The following KREMEN2 variants were observed in gnomAD, a reference collection of about 807,000 sequenced individuals.
The protein encoded by KREMEN2 is kremen protein 2.
Under a neutral mutation model 49.8 loss-of-function variants are expected in KREMEN2, and 43 were observed. The ratio of observed to expected loss-of-function variants is 0.86; its 90% CI spans 0.68 to 1.11. The LOEUF (loss-of-function observed/expected upper bound fraction) is 1.11, where lower values mean the gene tolerates loss of function less well. Among genes scored for constraint, KREMEN2 ranks in the 50% most tolerant of loss-of-function variants. The probability of loss-of-function intolerance (pLI) is 0.00; values close to 1 mark genes in which losing one functional copy is unlikely to be tolerated. For missense variants in KREMEN2, 686 were observed against 665.7 expected (o/e 1.03, Z -0.34); for synonymous variants, 355 against 304.9 (o/e 1.16, Z -1.71).
At position 2,967,981 on chromosome 16, in the gene KREMEN2, C is replaced by T. The variant is rs760104507; in HGVS notation, c.1350C>T (p.Ser450=). 2.4e-5 allele frequency: 38 copies of T among 1,583,788 alleles called. No homozygotes were observed. The highest frequency in any genetic ancestry group is 2.9e-5 in the Non-Finnish European group (34 of 1,170,018). Residue 450 remains serine (S), a synonymous_variant, in exon 9 of 9, where the codon TCC becomes TCT. Transcript: ENST00000303746. ...SAAGYRPLSA[S]SQSSLRSLIS... is the part of the protein sequence containing the mutation. The stretch of plus-strand genomic sequence containing the variant: ...CGGGCTACCGGCCTCTGAGTGCCTC[C>T]AGCCAGAGCTCCCTGCGCTCGCTCA...
Position 2,966,650 on chromosome 16 carries a change from C to T in KREMEN2, c.495C>T (p.Gly165=), listed in dbSNP as rs375806921. 63 of 1,609,738 alleles carry T rather than the reference C, an allele frequency of 3.9e-5. No homozygotes were observed. The East Asian group carries it at 7.1e-4, about 18-fold the overall frequency. ...CCAGTCTGTGCTCCCAGCTGGCGGG[C>T]GTGGAGGCCGGTTACGCCTGCTTCT... is the stretch of plus-strand genomic sequence containing the variant. ...FCRMKGYQLA[G]VEAGYACFCG... is the part of the protein sequence containing the mutation. The change falls in exon 5 of 9, where the codon GGC becomes GGT. Residue 165 remains glycine (G), a synonymous_variant. Coordinates refer to ENST00000303746, the MANE Select transcript of KREMEN2 (RefSeq NM_172229.3). The surrounding 1 kb of genome is among the most constrained non-coding windows in gnomAD (Gnocchi z 8.4).
At position 2,967,575 on chromosome 16, in the gene KREMEN2, C is replaced by T; in HGVS notation, c.1149C>T (p.Leu383=). The change falls in exon 8 of 9, where the codon CTC becomes CTT. Residue 383 remains leucine, a synonymous_variant. Coordinates refer to ENST00000303746, the MANE Select transcript of KREMEN2 (RefSeq NM_172229.3). ...VTAVSVLLLL[L]LGLLRPLRRR... ...CTGTCTCGGTGCTGCTGCTGCTGCT[C>T]CTGGGGCTGCTGCGTCCGCTGCGCC... 1 of 1,530,136 alleles carries T rather than the reference C, an allele frequency of 6.5e-7. No homozygotes were observed. The allele number at this position is 1,530,136 out of a possible 1,614,324, so 94.8% of individuals were successfully genotyped here. A position where few individuals can be genotyped will look rare whatever the true frequency, so the allele number is the denominator to read the frequency against.
rs1293889626 is a variant in KREMEN2 at position 2,967,320 on chromosome 16, G to A, written c.974G>A (p.Gly325Glu). 4.3e-6 allele frequency: 6 copies of A among 1,395,930 alleles called. No individual in the cohort carries two copies. The highest frequency in any genetic ancestry group is 1.6e-5 in the South Asian group (1 of 62,126). The allele number at this position is 1,395,930 out of a possible 1,614,324, so 86.5% of individuals were successfully genotyped here. A position where few individuals can be genotyped will look rare whatever the true frequency, so the allele number is the denominator to read the frequency against. ...HAQGFALTYR[G>E]LQDAAEDPEA... ...CCCCGCCTCACGCCCCTCTCCGCAG[G>A]GCTGCAGGACGCCGCTGAGGACCCA... The change falls in exon 7 of 9, where the codon GGG (glycine) becomes GAG (glutamate). Residue 325 changes from glycine (G) to glutamate (E), a missense_variant and splice_region_variant. Physicochemically the swap from Gly to Glu is moderately conservative, Grantham distance 98. Coordinates refer to ENST00000303746, the MANE Select transcript of KREMEN2 (RefSeq NM_172229.3).
rs772602429 is a variant in KREMEN2 at position 2,964,841 on chromosome 16, C to G, written c.95-18C>G. 1.2e-6 allele frequency: 2 copies of G among 1,609,454 alleles called. No homozygotes were observed. The highest frequency in any genetic ancestry group is 1.7e-6 in the Non-Finnish European group (2 of 1,178,542). The stretch of plus-strand genomic sequence containing the variant: ...GGCGTGGGTCCGGACCTCCCCAGGC[C>G]CTGCCTTTGCCGTGCAGGCCTGTCC... On this transcript the variant is annotated intron_variant, in intron 1 of 8. Transcript: ENST00000303746.
chr16:2,965,109 C>A, intron 2 of KREMEN2, 76 bp downstream of exon 2: 1 of 960,558 alleles, frequency 1.0e-6, no homozygotes, highest in Non-Finnish European at 1.3e-6. Flanking sequence ...GGCCTCCGTG[C>A]GGGCGGGGTG....
chr16:2,968,119 G>GGCGC lies in KREMEN2; in HGVS notation c.*99_*100insGCGC, dbSNP rs2071878808. ...TCGGCCTTGCGCCTGTGTAGGGGCA[G>GGCGC]CTCGGCCTCTGGTCGCCTTGGGGAG... On this transcript the variant is annotated 3_prime_UTR_variant, in exon 9 of 9. Coordinates refer to ENST00000303746, the MANE Select transcript of KREMEN2 (RefSeq NM_172229.3). 2.3e-6 allele frequency: 3 copies of GGCGC among 1,280,154 alleles called. No homozygotes were observed. The highest frequency in any genetic ancestry group is 3.3e-6 in the Non-Finnish European group (3 of 916,894). 79.3% of individuals were successfully genotyped at this position (1,280,154 alleles called of 1,614,324 possible). A position where few individuals can be genotyped will look rare whatever the true frequency, so the allele number is the denominator to read the frequency against.
chr16:2,966,579 G>C lies in KREMEN2; in HGVS notation c.487-63G>C, dbSNP rs2071823914. On this transcript the variant is annotated intron_variant, in intron 4 of 8. Transcript: ENST00000303746. This position sits in a 1 kb window ranked among gnomAD's most constrained non-coding sequence, Gnocchi z 8.4. ...CAGCCCGATTCCCACCCCGACCCCA[G>C]GCCCCCACCACTTCACCCCTACCCC... The C allele has an allele frequency of 1.3e-6, 2 of 1,559,220 alleles. No individual in the cohort carries two copies. Among genetic ancestry groups the C allele is most frequent in the Admixed American group, 3.7e-5 (2 of 53,840 alleles).
chr16:2,964,889 CTGACTA>C lies in KREMEN2; in HGVS notation c.126_131del (p.Asp43_Tyr44del), dbSNP rs1258527038. The C allele has an allele frequency of 1.2e-6, 2 of 1,610,526 alleles. No homozygotes were observed. Among genetic ancestry groups the C allele is most frequent in the African/African-American group, 2.7e-5 (2 of 74,664 alleles). ...TCCGAATGCTTCCAGGTGAATGGGGCTGACTACCGCGGCCACCAGAACCGCACTGGC... is the reference window on the plus strand; with the variant it reads ...TCCGAATGCTTCCAGGTGAATGGGGCCCGCGGCCACCAGAACCGCACTGGC... On this transcript the variant is annotated inframe_deletion, in exon 2 of 9. Transcript: ENST00000303746.
Position 2,967,136 on chromosome 16 carries a change from C to A in KREMEN2, c.867C>A (p.Ala289=). Residue 289 remains alanine, a synonymous_variant, in exon 6 of 9, where the codon GCC becomes GCA. Coordinates refer to ENST00000303746, the MANE Select transcript of KREMEN2 (RefSeq NM_172229.3). ...SGSLLRAFDG[A]RPPPSGPLRL... ...GCCTGCTCCGCGCCTTCGATGGCGC[C>A]CGCCCACCGCCGTCCGGGCCGCTGC... 7.1e-7 allele frequency: 1 copy of A among 1,400,006 alleles called. No homozygotes were observed. The highest frequency in any genetic ancestry group is 9.2e-7 in the Non-Finnish European group (1 of 1,085,396). 86.7% of individuals were successfully genotyped at this position (1,400,006 alleles called of 1,614,324 possible).
Position 2,964,309 on chromosome 16 carries a change from G to A in KREMEN2, c.-212G>A, listed in dbSNP as rs955747614. On this transcript the variant is annotated 5_prime_UTR_variant, in exon 1 of 9. Coordinates refer to ENST00000303746, the MANE Select transcript of KREMEN2 (RefSeq NM_172229.3). ...CCGGAGAGACCCGGGTAGGGACAGG[G>A]ACAGAGAGACGCCTCTAGGGGCAGA... 8 of 458,938 alleles carry A rather than the reference G, an allele frequency of 1.7e-5. No homozygotes were observed. The highest frequency in any genetic ancestry group is 2.3e-5 in the Non-Finnish European group (6 of 259,268). The allele number at this position is 458,938 out of a possible 1,614,324, so 28.4% of individuals were successfully genotyped here. A position where few individuals can be genotyped will look rare whatever the true frequency, so the allele number is the denominator to read the frequency against.
chr16:2,965,173 C>A, intron 2 of KREMEN2, 140 bp downstream of exon 2: 1 of 32,792 alleles, frequency 3.0e-5, no homozygotes, highest in Non-Finnish European at 5.3e-5. Context: ...GGGGCGGGGC[C>A]AGAATGAGGG....
chr16:2,967,385 C>A lies in KREMEN2; in HGVS notation c.1039C>A (p.Leu347Ile), dbSNP rs910138068. 9 of 1,397,588 alleles carry A rather than the reference C, an allele frequency of 6.4e-6. No individual in the cohort carries two copies. The highest frequency in any genetic ancestry group is 7.2e-5 in the Admixed American group (2 of 27,764). 86.6% of individuals were successfully genotyped at this position (1,397,588 alleles called of 1,614,324 possible). The change falls in exon 7 of 9, where the codon CTC (leucine) becomes ATC (isoleucine). Residue 347 changes from leucine (L) to isoleucine (I), a missense_variant. Coordinates refer to ENST00000303746, the MANE Select transcript of KREMEN2 (RefSeq NM_172229.3). ...CTCGGCCCAGACCCCCGCGGCGCCC[C>A]TCGACGGGGCCAACGTGAGCTGCAG... ...EGSAQTPAAP[L>I]DGANVSCSPR... is the part of the protein sequence containing the mutation.
Position 2,967,211 on chromosome 16 carries a change from C to A in KREMEN2, c.942C>A (p.Gly314=), listed in dbSNP as rs2071843982. 7.4e-7 allele frequency: 1 copy of A among 1,354,330 alleles called. No homozygotes were observed. Among genetic ancestry groups the A allele is most frequent in the Non-Finnish European group, 9.4e-7 (1 of 1,062,592 alleles). The allele number at this position is 1,354,330 out of a possible 1,614,324, so 83.9% of individuals were successfully genotyped here. ...LLLTFRSDAR[G]HAQGFALTYR... ...TCACCTTCCGAAGCGACGCGCGCGGCCACGCGCAAGGCTTCGCGCTCACCT... is the reference window on the plus strand; with the variant it reads ...TCACCTTCCGAAGCGACGCGCGCGGACACGCGCAAGGCTTCGCGCTCACCT... The change falls in exon 6 of 9, where the codon GGC becomes GGA. Residue 314 remains glycine (G), a synonymous_variant. Transcript: ENST00000303746.
Position 2,966,206 on chromosome 16 carries a change from C to G in KREMEN2, c.336C>G (p.Arg112=), listed in dbSNP as rs902589724. 1.2e-6 allele frequency: 2 copies of G among 1,612,990 alleles called. No individual in the cohort carries two copies. Among genetic ancestry groups the G allele is most frequent in the African/African-American group, 1.3e-5 (1 of 74,926 alleles). ...VAETEEGIYW[R]YCDIPSCHMP... The stretch of plus-strand genomic sequence containing the variant: ...AGACAGAGGAGGGCATCTACTGGCG[C>G]TACTGCGACATCCCCTCCTGTCACA... Residue 112 remains arginine, a synonymous_variant, in exon 3 of 9, where the codon CGC becomes CGG. Transcript: ENST00000303746. This position sits in a 1 kb window ranked among gnomAD's most constrained non-coding sequence, Gnocchi z 8.4.
Position 2,966,502 on chromosome 16 carries a change from A to C in KREMEN2, c.486+53A>C. On this transcript the variant is annotated intron_variant, in intron 4 of 8. Transcript: ENST00000303746. The surrounding 1 kb of genome is among the most constrained non-coding windows in gnomAD (Gnocchi z 8.4). ...CCCCTGACCTGGACCTAAAGACCACACTCAACTCCCAACACTCGGTTGCCA... is the reference window on the plus strand; with the variant it reads ...CCCCTGACCTGGACCTAAAGACCACCCTCAACTCCCAACACTCGGTTGCCA... 1.9e-6 allele frequency: 3 copies of C among 1,601,214 alleles called. No individual in the cohort carries two copies. The highest frequency in any genetic ancestry group is 2.6e-6 in the Non-Finnish European group (3 of 1,176,318).
intron 8 of KREMEN2, 56 bp downstream of exon 8, chr16:2,967,660 C>T (rs1265897217): frequency 6.5e-7 from 1 of 1,539,900 alleles, no homozygotes; most frequent in Admixed American, 2.0e-5. Flanking sequence ...AGCTGGAGCC[C>T]CAGAAGGGAA....
chr16:2,966,701 G>A lies in KREMEN2; in HGVS notation c.546G>A (p.Arg182=), dbSNP rs762453866. Residue 182 remains arginine (R), a synonymous_variant, in exon 5 of 9, where the codon CGG becomes CGA. Coordinates refer to ENST00000303746, the MANE Select transcript of KREMEN2 (RefSeq NM_172229.3). This position sits in a 1 kb window ranked among gnomAD's most constrained non-coding sequence, Gnocchi z 8.4. ...GTGGCTCTGAAAGCGACCTGGCCCG[G>A]GGACGCCTGGCCCCCGCCACCGACT... The part of the protein sequence containing the change: ...CFCGSESDLA[R]GRLAPATDCD... The A allele has an allele frequency of 2.5e-6, 4 of 1,611,436 alleles. No homozygotes were observed. Among genetic ancestry groups the A allele is most frequent in the African/African-American group, 1.3e-5 (1 of 74,916 alleles).
rs2071883917 is a variant in KREMEN2, at chr16:2,968,344, A to C, written c.*324A>C. 3 of 1,534,256 alleles carry C rather than the reference A, an allele frequency of 2.0e-6. No individual in the cohort carries two copies. The highest frequency in any genetic ancestry group is 8.7e-7 in the Non-Finnish European group (1 of 1,146,128). ...ACAGGTCAGCAAAAACAGTCAAAAA[A>C]CCCCCACAGATTTTGAATAAAGGAT... On this transcript the variant is annotated 3_prime_UTR_variant, in exon 9 of 9. Coordinates refer to ENST00000303746, the MANE Select transcript of KREMEN2 (RefSeq NM_172229.3).
In KREMEN2 at chr16:2,966,966, C is replaced by A; in HGVS notation, c.697C>A (p.Pro233Thr). The A allele has an allele frequency of 6.4e-7, 1 of 1,555,598 alleles. No homozygotes were observed. Among genetic ancestry groups the A allele is most frequent in the East Asian group, 2.4e-5 (1 of 42,392 alleles). ...WTAPQGVIYS[P>T]DFPDEYGPDR... ...AGCGCCTCAGGGCGTCATCTACTCC[C>A]CGGACTTCCCGGACGAGTACGGGCC... The change falls in exon 6 of 9, where the codon CCG becomes ACG. Residue 233 changes from proline to threonine, a missense_variant. Pro to Thr is a conservative substitution (Grantham distance 38). Transcript: ENST00000303746. This position sits in a 1 kb window ranked among gnomAD's most constrained non-coding sequence, Gnocchi z 8.4.
Sources: allele counts gnomAD v4.1 joint callset, GRCh38; gene constraint gnomAD v4.1.1; non-coding constraint Gnocchi (gnomAD v3.1); transcripts MANE v1.5; gene names NCBI Gene and HGNC (gene_info 2026-07-23, HGNC 2026-07-21).